The following AOX1 variants were observed in gnomAD, a reference collection of about 807,000 sequenced individuals.
The protein encoded by AOX1 is aldehyde oxidase.
AOX1 carries 153 observed loss-of-function variants against 169.5 expected under a neutral mutation model. The ratio of observed to expected loss-of-function variants is 0.90; its 90% CI spans 0.79 to 1.03. The LOEUF is 1.03. AOX1 is among the 50% of genes least tolerant of loss of function. AOX1 has a pLI of 0.00. For missense variants in AOX1, 1,656 were observed against 1,663.9 expected, an observed-to-expected ratio of 1.00 and a Z score of 0.08; for synonymous variants, 562 against 581.9, an observed-to-expected ratio of 0.97 and a Z score of 0.49.
intron 23 of AOX1, 142 bp from the exon 24 acceptor site, chr2:200,640,956 A>G: frequency 1.8e-6 from 1 of 562,208 alleles, no homozygotes; most frequent in Non-Finnish European, 3.3e-6. Context: ...AAGATCACAG[A>G]GCTAGTTATA....
chr2:200,599,573 G>T (rs747217084), intron 4 of AOX1, 47 bp from the exon 5 acceptor site: 11 of 1,542,992 alleles, frequency 7.1e-6, no homozygotes, highest in African/African-American at 7.0e-5. Flanking sequence ...CATTAGGCCT[G>T]GGATGGGGCC....
At chr2:200,637,283 G>A (rs558563064) in intron 22 of AOX1, among the ~76,000 whole-genome samples, 2 of 152,228 alleles carry the variant, frequency 1.3e-5, no homozygotes, top group South Asian at 4.1e-4. Flanking sequence ...CTAGAAAGTG[G>A]GCAGAAACAG....
chr2:200,602,155 A>G (rs1005311683), intron 5 of AOX1, 129 bp from the exon 6 acceptor site: 21 of 653,376 alleles, frequency 3.2e-5, no homozygotes, highest in Non-Finnish European at 4.5e-5. Context: ...CTGACTTTGT[A>G]GATTAGGTGG....
Position 200,603,374 on chromosome 2 carries a change from CT to C in AOX1, c.588+22del. Reference sequence around the variant, plus strand: ...GAAGTAAGGTCAGTGAAATGTAAAGCTTTTATAAGGCTTTCTCAGGACATGA... The same window carrying C: ...GAAGTAAGGTCAGTGAAATGTAAAGCTTTATAAGGCTTTCTCAGGACATGA... On this transcript the variant is annotated intron_variant, in intron 7 of 34. Coordinates refer to ENST00000374700, the MANE Select transcript of AOX1 (RefSeq NM_001159.4). 1 of 1,595,756 alleles carries C rather than the reference CT, an allele frequency of 6.3e-7. No individual in the cohort carries two copies. The highest frequency in any genetic ancestry group is 8.6e-7 in the Non-Finnish European group (1 of 1,163,738).
chr2:200,638,074 C>G lies in AOX1; in HGVS notation c.2481-141C>G, dbSNP rs1284185030. 4.5e-6 allele frequency: 3 copies of G among 667,602 alleles called. No homozygotes were observed. In the African/African-American group the frequency reaches 5.3e-5, roughly 12 times the overall value. The allele number at this position is 667,602 out of a possible 1,614,324, so 41.4% of individuals were successfully genotyped here. On this transcript the variant is annotated intron_variant, in intron 22 of 34. Coordinates refer to ENST00000374700, the MANE Select transcript of AOX1 (RefSeq NM_001159.4). ...GCCCACGGTGTATGCCTGAGATCAG[C>G]AGAGGATAGGCATGCGAAATAGTTG...
At chr2:200,649,207 C>G (rs1394567440) in intron 25 of AOX1, among the ~76,000 whole-genome samples, 1 of 152,060 alleles carries the variant, frequency 6.6e-6, no homozygotes, top group Non-Finnish European at 1.5e-5. Flanking sequence ...CCTCCGCCCC[C>G]ACCATGGATC....
At chr2:200,626,998 G>A (rs1559244798) in intron 19 of AOX1, among the ~76,000 whole-genome samples, 1 of 152,212 alleles carries the variant, frequency 6.6e-6, no homozygotes, top group Non-Finnish European at 1.5e-5. Flanking sequence ...TGGGTCTAGA[G>A]CCCAGGCTCT....
intron 10 of AOX1, among the ~76,000 whole-genome samples, chr2:200,607,682 G>A (rs1386723012): frequency 1.3e-5 from 2 of 152,090 alleles, no homozygotes; most frequent in Non-Finnish European, 2.9e-5. Flanking sequence ...GTATATTGCA[G>A]CACTATTTAC....
intron 24 of AOX1, among the ~76,000 whole-genome samples, chr2:200,641,813 C>T (rs2035356791): frequency 6.6e-6 from 1 of 152,146 alleles, no homozygotes; most frequent in Admixed American, 6.5e-5. Flanking sequence ...AGATTACAGG[C>T]GTGAGCCACT....
chr2:200,659,668 T>C (rs569088061), intron 28 of AOX1, among the ~76,000 whole-genome samples: 8 of 152,110 alleles, frequency 5.3e-5, no homozygotes, highest in Non-Finnish European at 1.2e-4. Flanking sequence ...CCGGAGTGAA[T>C]TTTCTCACAA....
intron 25 of AOX1, among the ~76,000 whole-genome samples, chr2:200,649,508 T>C (rs1201238750): frequency 1.3e-5 from 2 of 152,304 alleles, no homozygotes; most frequent in East Asian, 3.9e-4. Context: ...TTGTGGGTCC[T>C]CTCAGGATTA....
At chr2:200,611,829 C>T (rs184267095) in intron 13 of AOX1, among the ~76,000 whole-genome samples, 136 of 151,830 alleles carry the variant, frequency 9.0e-4, no homozygotes, top group African/African-American at 3.1e-3. Flanking sequence ...CTCAGCCTCC[C>T]GAGTAGCTGG....
At chr2:200,638,422 G>A in intron 23 of AOX1, 120 bp downstream of exon 23, 2 of 825,260 alleles carry the variant, frequency 2.4e-6, no homozygotes, top group Non-Finnish European at 2.0e-6. Flanking sequence ...CAAAAACAGA[G>A]CATCTATTTA....
chr2:200,662,321 T>A (rs369143430), intron 30 of AOX1, among the ~76,000 whole-genome samples: 2 of 152,206 alleles, frequency 1.3e-5, no homozygotes, highest in Non-Finnish European at 2.9e-5. Context: ...TGCTGACCCA[T>A]GCTTCTGTTT....
intron 20 of AOX1, among the ~76,000 whole-genome samples, chr2:200,629,202 C>A (rs1394941064): frequency 1.3e-5 from 2 of 152,188 alleles, no homozygotes; most frequent in Admixed American, 1.3e-4. Flanking sequence ...TGTCACCTAC[C>A]AGTTTTCCTT....
chr2:200,599,554 G>A (rs2034358434), intron 4 of AOX1, 66 bp from the exon 5 acceptor site: 2 of 1,287,340 alleles, frequency 1.6e-6, no homozygotes, highest in East Asian at 5.2e-5. Context: ...TAGAATGCAG[G>A]CTCTAATTCA....
At chr2:200,647,184 AT>A (rs1213801516) in intron 25 of AOX1, among the ~76,000 whole-genome samples, 2 of 151,992 alleles carry the variant, frequency 1.3e-5, no homozygotes. Flanking sequence ...TATAGGTCCT[AT>A]GTGACTTATG....
chr2:200,615,861 G>T (rs536266336), intron 15 of AOX1, 110 bp from the exon 16 acceptor site: 3 of 757,870 alleles, frequency 4.0e-6, no homozygotes, highest in Middle Eastern at 2.5e-4. Context: ...CTTAATATAC[G>T]TGAGACTTCA....
chr2:200,592,544 G>A (rs1415979731), intron 1 of AOX1, among the ~76,000 whole-genome samples: 3 of 65,250 alleles, frequency 4.6e-5, no homozygotes, highest in South Asian at 8.0e-4. Context: ...CTGTTCTGCT[G>A]CTATGTGCCA....
Sources: gnomAD v4.1 joint callset for allele counts (sites outside exome capture counted in the v4.1 genomes callset) on GRCh38, gnomAD v4.1.1 for gene constraint, MANE v1.5 for transcripts, NCBI Gene and HGNC (gene_info 2026-07-23, HGNC 2026-07-21) for gene names.